The following ARHGAP20 variants were observed in gnomAD, a reference collection of about 807,000 sequenced individuals.
ARHGAP20 encodes Rho GTPase activating protein 20, also known as rho GTPase-activating protein 20.
A neutral mutation model predicts 73.7 loss-of-function variants in ARHGAP20; 34 were observed. That is an observed-to-expected ratio of 0.46 (90% confidence interval 0.35 to 0.61). ARHGAP20 has a LOEUF of 0.61. Ranked by LOEUF, ARHGAP20 falls within the 20% of genes least tolerant of loss-of-function variation. ARHGAP20 has a pLI of 0.00. For missense variants in ARHGAP20, 1,314 were observed against 1,420.9 expected (o/e 0.92, Z 1.21); for synonymous variants, 523 against 518.2 (o/e 1.01, Z -0.13).
chr11:110,600,360 T>C (rs1442326178), intron 9 of ARHGAP20, among the ~76,000 whole-genome samples: 1 of 152,218 alleles, frequency 6.6e-6, no homozygotes, highest in Non-Finnish European at 1.5e-5. Context: ...GTGCCAGCCA[T>C]AGAAGCTGCT....
intron 2 of ARHGAP20, among the ~76,000 whole-genome samples, chr11:110,673,366 CATATA>C (rs893900475): frequency 3.9e-5 from 6 of 152,112 alleles, no homozygotes; most frequent in South Asian, 2.1e-4. Context: ...ACTTTTAAAA[CATATA>C]ATAGAGTACT....
At chr11:110,684,062 T>C (rs1375872985) in intron 2 of ARHGAP20, among the ~76,000 whole-genome samples, 1 of 152,154 alleles carries the variant, frequency 6.6e-6, no homozygotes, top group Non-Finnish European at 1.5e-5. Flanking sequence ...TGCCTTAATC[T>C]TGGACTTGCC....
chr11:110,620,246 C>A (rs1591320902), intron 4 of ARHGAP20, among the ~76,000 whole-genome samples: 1 of 152,114 alleles, frequency 6.6e-6, no homozygotes, highest in South Asian at 2.1e-4. Context: ...AGGTCTATGG[C>A]CTCAAGCAAT....
intron 2 of ARHGAP20, among the ~76,000 whole-genome samples, chr11:110,638,585 GGGGGT>G (rs1454164081): frequency 1.3e-5 from 2 of 151,968 alleles, no homozygotes; most frequent in Non-Finnish European, 2.9e-5. Context: ...TTGATTTACT[GGGGGT>G]GGGGTGGGGT....
chr11:110,712,342 C>T lies in ARHGAP20; in HGVS notation c.-111G>A. The T allele has an allele frequency of 2.2e-6, 2 of 912,576 alleles. No homozygotes were observed. Among genetic ancestry groups the T allele is most frequent in the Non-Finnish European group, 1.5e-6 (1 of 686,948 alleles). 56.5% of individuals were successfully genotyped at this position (912,576 alleles called of 1,614,324 possible). A position where few individuals can be genotyped will look rare whatever the true frequency, so the allele number is the denominator to read the frequency against. ...CGGGCGGAGGCGCGGCTGCCGTGCT[C>T]AGGCAGGGAGCCGAGCTCCGGGTGC... is the stretch of plus-strand genomic sequence containing the variant. On this transcript the variant is annotated 5_prime_UTR_variant, in exon 1 of 15. It removes the in-frame stop codon of an upstream open reading frame in the 5' UTR. Coordinates refer to ENST00000683387, the MANE Select transcript of ARHGAP20 (RefSeq NM_001384657.1).
In ARHGAP20 at chr11:110,579,858, C is replaced by G. The variant is rs200535574; in HGVS notation, c.3088G>C (p.Val1030Leu). ...TMEWHSQMHS[V>L]TLHPSTWLRN... ...AACCATGTGCTGGGATGAAGAGTTA[C>G]AGAATGCATTTGTGAATGCCACTCC... The change falls in exon 15 of 15, where the codon GTA becomes CTA. Residue 1030 changes from valine to leucine, a missense_variant. By Grantham distance (32) the Val-to-Leu change is conservative. This residue lies in a region of ARHGAP20 where 641 missense variants were observed against 636.9 expected (regional missense o/e 1.01). Coordinates refer to ENST00000683387, the MANE Select transcript of ARHGAP20 (RefSeq NM_001384657.1). The G allele has an allele frequency of 6.2e-7, 1 of 1,614,228 alleles. No individual in the cohort carries two copies. The highest frequency in any genetic ancestry group is 1.3e-5 in the African/African-American group (1 of 75,064).
intron 1 of ARHGAP20, chr11:110,690,856 G>A (rs1395755849): frequency 2.2e-5 from 21 of 964,816 alleles, no homozygotes; most frequent in Non-Finnish European, 2.9e-5. Flanking sequence ...TATTTTTTGT[G>A]GTCAGAGAAT....
rs778915827 is a variant in ARHGAP20 at position 110,584,986 on chromosome 11, A to T, written c.1415+1230T>A. ...GTGAATATATGAATATATATGTGAA[A>T]ATATATATGAATATATGAATATGTA... On this transcript the variant is annotated intron_variant, in intron 12 of 14. Transcript: ENST00000683387. Among the ~76,000 whole-genome samples the T allele has an allele frequency of 1.2e-3, 83 of 70,178 alleles. 1 individual carries two copies. Among genetic ancestry groups the T allele is most frequent in the Middle Eastern group, 0.02 (2 of 102 alleles). The allele number at this position is 70,178 out of a possible 152,430, so 46.0% of individuals were successfully genotyped here.
chr11:110,696,752 G>A (rs1950343946), intron 1 of ARHGAP20, among the ~76,000 whole-genome samples: 1 of 151,510 alleles, frequency 6.6e-6, no homozygotes, highest in African/African-American at 2.4e-5. Context: ...AGTCTCCAGT[G>A]TTTATTATTT....
intron 2 of ARHGAP20, among the ~76,000 whole-genome samples, chr11:110,689,495 T>C (rs1190290711): frequency 6.6e-6 from 1 of 152,166 alleles, no homozygotes; most frequent in Non-Finnish European, 1.5e-5. Flanking sequence ...AATTAATGAA[T>C]ATTTGAATTT....
At chr11:110,654,472 A>G (rs17408647) in intron 2 of ARHGAP20, among the ~76,000 whole-genome samples, 8,203 of 152,328 alleles carry the variant, frequency 0.054, 271 homozygotes, top group Middle Eastern at 0.095. Flanking sequence ...AGTCTTTAAA[A>G]TTTTAGTAAT....
At chr11:110,670,957 T>C (rs547983247) in intron 2 of ARHGAP20, among the ~76,000 whole-genome samples, 1 of 152,168 alleles carries the variant, frequency 6.6e-6, no homozygotes, top group African/African-American at 2.4e-5. Flanking sequence ...CGTGGTATTC[T>C]AGATAGGATC....
chr11:110,686,154 GATTT>G (rs1439786815), intron 2 of ARHGAP20, among the ~76,000 whole-genome samples: 2 of 151,860 alleles, frequency 1.3e-5, no homozygotes, highest in Non-Finnish European at 2.9e-5. Flanking sequence ...TTAACTATAG[GATTT>G]ATTTAAAACA....
chr11:110,621,377 C>T (rs1305563062), intron 4 of ARHGAP20, among the ~76,000 whole-genome samples: 1 of 151,988 alleles, frequency 6.6e-6, no homozygotes, highest in Non-Finnish European at 1.5e-5. Flanking sequence ...TTCTGTAATT[C>T]CAGTGACATG....
At chr11:110,700,796 G>A (rs1165850860) in intron 1 of ARHGAP20, among the ~76,000 whole-genome samples, 95 of 136,952 alleles carry the variant, frequency 6.9e-4, no homozygotes, top group African/African-American at 2.6e-3. Context: ...GTGTCCATGT[G>A]TTCTCATTGT....
intron 4 of ARHGAP20, among the ~76,000 whole-genome samples, chr11:110,620,637 A>AT (rs1258811028): frequency 1.3e-5 from 2 of 152,054 alleles, no homozygotes; most frequent in Non-Finnish European, 2.9e-5. Context: ...TTGTGTTAAC[A>AT]TTTTTTTCGG....
intron 2 of ARHGAP20, among the ~76,000 whole-genome samples, chr11:110,657,918 G>GAA (rs1949503934): frequency 1.5e-5 from 2 of 129,920 alleles, no homozygotes; most frequent in African/African-American, 5.9e-5. Flanking sequence ...GAAAAAGAGA[G>GAA]AGAGGAAGGA....
intron 3 of ARHGAP20, among the ~76,000 whole-genome samples, chr11:110,628,701 T>A (rs1316726328): frequency 6.6e-6 from 1 of 152,146 alleles, no homozygotes; most frequent in Non-Finnish European, 1.5e-5. Flanking sequence ...AATCAATTGA[T>A]AGAATTTTTT....
chr11:110,653,244 C>T (rs1227542346), intron 2 of ARHGAP20, among the ~76,000 whole-genome samples: 1 of 152,110 alleles, frequency 6.6e-6, no homozygotes, highest in Non-Finnish European at 1.5e-5. Flanking sequence ...AACTAAAGAG[C>T]TTCTGCACAG....
Sources: allele counts gnomAD v4.1 joint callset (sites outside exome capture counted in the v4.1 genomes callset), GRCh38; gene constraint gnomAD v4.1.1; regional missense constraint gnomAD v4.1.1; transcripts MANE v1.5; gene names NCBI Gene and HGNC (gene_info 2026-07-23, HGNC 2026-07-21).